Variants in SF3A1 observed in about 807,000 individuals in gnomAD.
SF3A1 encodes splicing factor 3a subunit 1.
Under a neutral mutation model 89.9 loss-of-function variants are expected in SF3A1, and 13 were observed. The ratio of observed to expected loss-of-function variants is 0.14; its 90% confidence interval spans 0.09 to 0.23. The LOEUF is 0.23. Ranked by LOEUF, SF3A1 falls within the 10% of genes least tolerant of loss-of-function variation. The pLI, the probability that SF3A1 is intolerant of heterozygous loss-of-function variation, is 1.00. For missense variants in SF3A1, 604 were observed against 1,022.1 expected (o/e 0.59, Z 5.58); for synonymous variants, 405 against 374.4 (o/e 1.08, Z -0.94).
rs1931878902 is a variant in SF3A1, at chr22:30,356,722, A to G, written c.63+8T>C. 3 of 1,483,802 alleles carry G rather than the reference A, an allele frequency of 2.0e-6. No individual in the cohort carries two copies. The highest frequency in any genetic ancestry group is 2.8e-5 in the East Asian group (1 of 35,978). 91.9% of individuals were successfully genotyped at this position (1,483,802 alleles called of 1,614,324 possible). ...CCGGCTGCAGGCTGAGGGGCGGGGG[A>G]GAGGTACCTGTTTGGGCTCCGTGGG... is the stretch of plus-strand genomic sequence containing the variant. On this transcript the variant is annotated splice_region_variant and intron_variant, in intron 1 of 15. Coordinates refer to ENST00000215793, the MANE Select transcript of SF3A1 (RefSeq NM_005877.6).
At chr22:30,344,712 A>G (rs1931365597) in intron 4 of SF3A1, among the ~76,000 whole-genome samples, 1 of 152,256 alleles carries the variant, frequency 6.6e-6, no homozygotes, top group African/African-American at 2.4e-5. Context: ...GTTAGCAAGC[A>G]TGTATTTCCC....
At position 30,340,771 on chromosome 22, in the gene SF3A1, G is replaced by T. The variant is rs1383529823; in HGVS notation, c.1113C>A (p.Pro371=). 6.3e-7 allele frequency: 1 copy of T among 1,596,822 alleles called. No individual in the cohort carries two copies. Among genetic ancestry groups the T allele is most frequent in the East Asian group, 2.3e-5 (1 of 43,972 alleles). The part of the protein sequence containing the change: ...DEEEGQKVPP[P]PETPMPPPLP... ...GAGGTGGAGGCATGGGTGTCTCTGG[G>T]GGTGGGGGCACTTTCTGCCCTTCTT... Residue 371 remains proline, a synonymous_variant, in exon 8 of 16, where the codon CCC becomes CCA. Transcript: ENST00000215793.
intron 7 of SF3A1, 86 bp downstream of exon 7, chr22:30,341,606 G>A (rs1030485106): frequency 2.1e-6 from 2 of 958,502 alleles, no homozygotes. Context: ...GCTCACAGGG[G>A]AGCTGGATCT....
At chr22:30,353,154 C>T (rs1931653679) in intron 1 of SF3A1, 82 bp from the exon 2 acceptor site, 1 of 1,519,192 alleles carries the variant, frequency 6.6e-7, no homozygotes, top group Non-Finnish European at 8.9e-7. Context: ...TCTAGGATAT[C>T]ATTCAGAGTA....
intron 15 of SF3A1, 126 bp downstream of exon 15, chr22:30,335,341 G>A: frequency 2.4e-6 from 2 of 818,184 alleles, no homozygotes; most frequent in Non-Finnish European, 4.2e-6. Flanking sequence ...TGACTTCTAG[G>A]ATGGATTCAG....
At chr22:30,351,415 G>C (rs1741578231) in intron 2 of SF3A1, among the ~76,000 whole-genome samples, 1 of 152,236 alleles carries the variant, frequency 6.6e-6, no homozygotes, top group South Asian at 2.1e-4. Context: ...ACTGCCTCAG[G>C]GGGGTGACGT....
intron 6 of SF3A1, 132 bp from the exon 7 acceptor site, chr22:30,342,017 C>T (rs1931275150): frequency 8.6e-7 from 1 of 1,157,224 alleles, no homozygotes; most frequent in East Asian, 2.5e-5. Context: ...TAGGGTCTGG[C>T]AAGTACGTAT....
chr22:30,343,264 C>T (rs557684639), intron 4 of SF3A1, among the ~76,000 whole-genome samples: 23 of 152,250 alleles, frequency 1.5e-4, no homozygotes, highest in Non-Finnish European at 2.8e-4. Context: ...TATTCAGAAC[C>T]GCAGCGTACT....
intron 4 of SF3A1, among the ~76,000 whole-genome samples, chr22:30,343,491 A>G (rs774549047): frequency 2.0e-5 from 3 of 152,220 alleles, no homozygotes; most frequent in African/African-American, 7.2e-5. Context: ...TGTTCTAAAC[A>G]GCCCCAACAG....
chr22:30,336,013 C>G (rs563085452), intron 13 of SF3A1, among the ~76,000 whole-genome samples: 1 of 152,320 alleles, frequency 6.6e-6, no homozygotes, highest in East Asian at 1.9e-4. Context: ...AGTGAAAATA[C>G]TCTGCACACC....
intron 3 of SF3A1, 63 bp from the exon 4 acceptor site, chr22:30,345,253 G>T (rs993423545): frequency 5.3e-6 from 8 of 1,518,970 alleles, no homozygotes; most frequent in Non-Finnish European, 7.2e-6. Context: ...GGGGAGGGGA[G>T]GGGAGGGGAC....
In SF3A1 at chr22:30,339,995, T is replaced by C. The variant is rs376349095; in HGVS notation, c.1375+201A>G. The stretch of plus-strand genomic sequence containing the variant: ...TTGCTCTGGGATGTCAACAGGCACA[T>C]GGCATCTCCTTCAGTGTCTGCCTTT... On this transcript the variant is annotated intron_variant, in intron 9 of 15. Coordinates refer to ENST00000215793, the MANE Select transcript of SF3A1 (RefSeq NM_005877.6). Among the ~76,000 whole-genome samples, 120 of 152,362 alleles carry C rather than the reference T, an allele frequency of 7.9e-4. 1 individual carries two copies. Among genetic ancestry groups the C allele is most frequent in the African/African-American group, 2.7e-3 (114 of 41,590 alleles).
At chr22:30,340,122 T>G in intron 9 of SF3A1, 74 bp downstream of exon 9, 3 of 1,322,414 alleles carry the variant, frequency 2.3e-6, no homozygotes, top group Non-Finnish European at 3.0e-6. Context: ...CAATTGTTGC[T>G]TTCTATGTTT....
At chr22:30,342,126 G>A in intron 6 of SF3A1, 74 bp downstream of exon 6, 5 of 1,544,010 alleles carry the variant, frequency 3.2e-6, no homozygotes, top group Non-Finnish European at 3.6e-6. Context: ...TGCTCTCTGG[G>A]AACACCTGCA....
At position 30,337,020 on chromosome 22, in the gene SF3A1, A is replaced by G; in HGVS notation, c.2106+6T>C. On this transcript the variant is annotated splice_donor_region_variant and intron_variant, in intron 13 of 15. Transcript: ENST00000215793. ...GAAACTTCAGCAGCATTCTGGGATTACATACCTTGTTTCTGCGCAGGAACT... is the reference window on the plus strand; with the variant it reads ...GAAACTTCAGCAGCATTCTGGGATTGCATACCTTGTTTCTGCGCAGGAACT... The G allele has an allele frequency of 6.2e-7, 1 of 1,614,146 alleles. No homozygotes were observed. The highest frequency in any genetic ancestry group is 1.1e-5 in the South Asian group (1 of 91,086).
rs903470367 is a variant in SF3A1, at chr22:30,340,188, C to G, written c.1375+8G>C. ...CTACCATGGGCTCTCCTGGAACCCCCACCTCACCTGGTGCGTACACCTCAT... is the reference window on the plus strand; with the variant it reads ...CTACCATGGGCTCTCCTGGAACCCCGACCTCACCTGGTGCGTACACCTCAT... On this transcript the variant is annotated splice_region_variant and intron_variant, in intron 9 of 15. Transcript: ENST00000215793. The G allele has an allele frequency of 6.7e-7, 1 of 1,503,258 alleles. No individual in the cohort carries two copies. The highest frequency in any genetic ancestry group is 8.9e-7 in the Non-Finnish European group (1 of 1,128,034). 93.1% of individuals were successfully genotyped at this position (1,503,258 alleles called of 1,614,324 possible).
chr22:30,334,605 T>C lies in SF3A1; in HGVS notation c.2371A>G (p.Arg791Gly), dbSNP rs1601688710. The change falls in exon 16 of 16, where the codon AGG becomes GGG. Residue 791 changes from arginine (R) to glycine (G), a missense_variant. By Grantham distance (125) the Arg-to-Gly change is moderately radical (BLOSUM62 -2). Around this residue, in one of 9 missense-constraint regions of SF3A1, gnomAD observed 74 missense variants for 141.3 expected, o/e 0.52. Transcript: ENST00000215793. ...CAGGTTCCTCTTGTCTACTTCTTCC[T>C]CCCGCCTCTCTCCTTGAGGGCCAGG... is the stretch of plus-strand genomic sequence containing the variant. ...IHLALKERGG[R>G]KK The C allele has an allele frequency of 6.4e-7, 1 of 1,562,046 alleles. No individual in the cohort carries two copies. Among genetic ancestry groups the C allele is most frequent in the African/African-American group, 1.4e-5 (1 of 71,034 alleles).
chr22:30,346,646 C>A, intron 2 of SF3A1, 127 bp from the exon 3 acceptor site: 2 of 1,003,056 alleles, frequency 2.0e-6, no homozygotes, highest in Non-Finnish European at 3.0e-6. Flanking sequence ...CCTCAGCAGA[C>A]GTCCTCCTCT....
rs1240609989 is a variant in SF3A1 at position 30,356,757 on chromosome 22, C to T, written c.36G>A (p.Pro12=). 1.3e-6 allele frequency: 2 copies of T among 1,482,144 alleles called. No individual in the cohort carries two copies. The highest frequency in any genetic ancestry group is 2.8e-5 in the East Asian group (1 of 35,978). The allele number at this position is 1,482,144 out of a possible 1,614,324, so 91.8% of individuals were successfully genotyped here. A position where few individuals can be genotyped will look rare whatever the true frequency, so the allele number is the denominator to read the frequency against. The change falls in exon 1 of 16, where the codon CCG becomes CCA. Residue 12 remains proline (P), a synonymous_variant. Coordinates refer to ENST00000215793, the MANE Select transcript of SF3A1 (RefSeq NM_005877.6). ...GTTTGGGCTCCGTGGGCACGGGCGG[C>T]GGCGGGGGCACCGCCTGCACGGGTC... The part of the protein sequence containing the change: ...PAGPVQAVPP[P]PPVPTEPKQP...
Sources: allele counts gnomAD v4.1 joint callset (sites outside exome capture counted in the v4.1 genomes callset), GRCh38; gene constraint gnomAD v4.1.1; regional missense constraint gnomAD v4.1.1; transcripts MANE v1.5; gene names NCBI Gene and HGNC (gene_info 2026-07-23, HGNC 2026-07-21).